The following ESRRG variants were observed in gnomAD, a reference collection of about 807,000 sequenced individuals.
The protein encoded by ESRRG is estrogen related receptor gamma.
ESRRG carries 13 observed loss-of-function variants against 44.0 expected under a neutral mutation model. The observed-to-expected ratio is 0.30, with a 90% CI of 0.19 to 0.47. The LOEUF is 0.47. ESRRG is among the 20% of genes least tolerant of loss of function. The probability of loss-of-function intolerance (pLI) is 1.00; values close to 1 mark genes in which losing one functional copy is unlikely to be tolerated. For synonymous variants in ESRRG, 215 were observed against 214.6 expected (o/e 1.00, Z -0.02); for missense variants, 395 against 580.6 (o/e 0.68, Z 3.29).
intron 5 of ESRRG, among the ~76,000 whole-genome samples, chr1:216,531,078 T>C (rs2149113565): frequency 6.6e-6 from 1 of 152,130 alleles, no homozygotes; most frequent in African/African-American, 2.4e-5. Flanking sequence ...AGTTAAAGGA[T>C]TTACAGCATA....
At chr1:217,114,516 C>T (rs2092697340) in intron 1 of ESRRG, among the ~76,000 whole-genome samples, 2 of 152,204 alleles carry the variant, frequency 1.3e-5, no homozygotes, top group South Asian at 2.1e-4. Flanking sequence ...GGTGCTTCTT[C>T]ATTCCAATTG....
chr1:216,956,445 A>G (rs1453319664), intron 1 of ESRRG, among the ~76,000 whole-genome samples: 2 of 151,980 alleles, frequency 1.3e-5, no homozygotes, highest in African/African-American at 4.8e-5. Flanking sequence ...TGAGTTATCT[A>G]CTCTGTTCCA....
At chr1:217,027,537 G>T (rs1350071837) in intron 1 of ESRRG, among the ~76,000 whole-genome samples, 1 of 152,066 alleles carries the variant, frequency 6.6e-6, no homozygotes, top group Non-Finnish European at 1.5e-5. Context: ...CAATTATGTT[G>T]TCTGGAAATG....
chr1:217,011,081 A>G (rs965888302), intron 1 of ESRRG, among the ~76,000 whole-genome samples: 3 of 152,168 alleles, frequency 2.0e-5, no homozygotes, highest in African/African-American at 7.2e-5. Context: ...AACGCCATCA[A>G]CTCATAGTAC....
intron 3 of ESRRG, among the ~76,000 whole-genome samples, chr1:216,578,748 A>G (rs2062155104): frequency 1.3e-5 from 2 of 152,152 alleles, no homozygotes; most frequent in Non-Finnish European, 1.5e-5. Context: ...AGAGAAAAAT[A>G]TAAGTTCTGT....
At chr1:216,655,200 G>A (rs1460701583) in intron 2 of ESRRG, among the ~76,000 whole-genome samples, 2 of 152,180 alleles carry the variant, frequency 1.3e-5, no homozygotes, top group Admixed American at 1.3e-4. Flanking sequence ...ATTCCTTGTT[G>A]AATCCTCAGT....
intron 3 of ESRRG, among the ~76,000 whole-genome samples, chr1:216,635,972 T>G (rs1162657089): frequency 2.6e-5 from 4 of 152,180 alleles, no homozygotes; most frequent in Non-Finnish European, 5.9e-5. Flanking sequence ...TAATGAATAT[T>G]TACTGAGGAC....
chr1:216,663,025 G>C (rs1012541236), intron 2 of ESRRG, among the ~76,000 whole-genome samples: 6 of 152,160 alleles, frequency 3.9e-5, no homozygotes, highest in Non-Finnish European at 8.8e-5. Context: ...GACTCTGTAA[G>C]GTAGTTTCCC....
intron 3 of ESRRG, among the ~76,000 whole-genome samples, chr1:216,646,408 G>A (rs1310180553): frequency 2.0e-5 from 3 of 151,938 alleles, no homozygotes; most frequent in African/African-American, 4.8e-5. Flanking sequence ...TAAATCTCTT[G>A]GTCTTCACAA....
At chr1:217,033,714 T>C (rs1469075967) in intron 1 of ESRRG, among the ~76,000 whole-genome samples, 1 of 152,200 alleles carries the variant, frequency 6.6e-6, no homozygotes, top group Non-Finnish European at 1.5e-5. Flanking sequence ...TTAAGAGGCA[T>C]AGTTACCAGT....
chr1:217,102,385 T>C (rs1385952572), intron 1 of ESRRG, among the ~76,000 whole-genome samples: 1 of 152,188 alleles, frequency 6.6e-6, no homozygotes, highest in South Asian at 2.1e-4. Flanking sequence ...ATAATTAATA[T>C]GTGTTATCAA....
chr1:216,560,876 G>A (rs1266070258), intron 5 of ESRRG, among the ~76,000 whole-genome samples: 2 of 152,176 alleles, frequency 1.3e-5, no homozygotes, highest in African/African-American at 4.8e-5. Context: ...CAGGCAGATA[G>A]GAACCAGAAA....
chr1:216,707,031 G>A (rs761319695), intron 1 of ESRRG, among the ~76,000 whole-genome samples: 1 of 152,170 alleles, frequency 6.6e-6, no homozygotes, highest in African/African-American at 2.4e-5. Context: ...AAAGACAATA[G>A]CTGTGAGATT....
chr1:216,648,992 T>C (rs1015129191), intron 3 of ESRRG, among the ~76,000 whole-genome samples: 2 of 152,134 alleles, frequency 1.3e-5, no homozygotes, highest in East Asian at 3.8e-4. Context: ...ATATGTTTTG[T>C]TTGTTACTCT....
At chr1:216,809,762 T>A (rs2094911705) in intron 2 of ESRRG, among the ~76,000 whole-genome samples, 1 of 151,816 alleles carries the variant, frequency 6.6e-6, no homozygotes, top group African/African-American at 2.4e-5. Flanking sequence ...ACTGCAGACG[T>A]AAGGGTAGAG....
rs2084388480 is a variant in ESRRG at position 216,714,573 on chromosome 1, C to T, written c.56+8671G>A. On this transcript the variant is annotated intron_variant, in intron 1 of 6. Coordinates refer to ENST00000408911, the MANE Select transcript of ESRRG (RefSeq NM_001438.4). ...CTGTCACATATGGTGACCACATTCTCAGGATAGATTTTCCAATCATTAAAA... is the reference window on the plus strand; with the variant it reads ...CTGTCACATATGGTGACCACATTCTTAGGATAGATTTTCCAATCATTAAAA... The T allele has an allele frequency of 1.4e-5, 14 of 982,080 alleles. No homozygotes were observed. In the South Asian group the frequency reaches 5.2e-4, roughly 36 times the overall value. The allele number at this position is 982,080 out of a possible 1,614,324, so 60.8% of individuals were successfully genotyped here.
intron 2 of ESRRG, among the ~76,000 whole-genome samples, chr1:216,779,208 T>TAA (rs1361897153): frequency 3.2e-5 from 2 of 63,124 alleles, no homozygotes; most frequent in Admixed American, 3.0e-4. Flanking sequence ...TTTATAAATA[T>TAA]AAATATATAT....
At chr1:216,904,206 C>CA (rs927067837) in intron 2 of ESRRG, among the ~76,000 whole-genome samples, 6 of 150,684 alleles carry the variant, frequency 4.0e-5, no homozygotes, top group African/African-American at 1.2e-4. Flanking sequence ...CAATCATCAC[C>CA]CCCCCCAACT....
rs149487417 is a variant in ESRRG, at chr1:217,023,236, A to G, written c.-106+66271T>C. Reference sequence around the variant, plus strand: ...TTACCTCTCCATTAATATATTTCAGAAATGGAATCAGCTGCAATCGTACAT... The same window carrying G: ...TTACCTCTCCATTAATATATTTCAGGAATGGAATCAGCTGCAATCGTACAT... On this transcript the variant is annotated intron_variant, in intron 1 of 7. Transcript: ENST00000359162. 1.5e-3 allele frequency among the ~76,000 whole-genome samples: 236 copies of G among 152,332 alleles called. 1 individual carries two copies. Among genetic ancestry groups the G allele is most frequent in the African/African-American group, 5.4e-3 (226 of 41,574 alleles).
Sources: allele counts gnomAD v4.1 joint callset (sites outside exome capture counted in the v4.1 genomes callset), GRCh38; gene constraint gnomAD v4.1.1; transcripts MANE v1.5; gene names NCBI Gene and HGNC (gene_info 2026-07-23, HGNC 2026-07-21).